KCNH1: variants seen among roughly 807,000 people sequenced by gnomAD.
KCNH1 encodes potassium voltage-gated channel subfamily H member 1.
In KCNH1, 27 loss-of-function variants were observed where a neutral mutation model predicts 69.2. The observed-to-expected ratio is 0.39, with a 90% CI of 0.29 to 0.54. The LOEUF is 0.54. KCNH1 is among the 20% of genes least tolerant of loss of function. The pLI, the probability that KCNH1 is intolerant of heterozygous loss-of-function variation, is 0.68. For missense variants in KCNH1, 798 were observed against 1,261.6 expected (o/e 0.63, Z 5.57); for synonymous variants, 456 against 487.7 (o/e 0.93, Z 0.86).
intron 10 of KCNH1, among the ~76,000 whole-genome samples, chr1:210,766,078 A>T (rs1434831699): frequency 6.6e-6 from 1 of 151,992 alleles, no homozygotes; most frequent in African/African-American, 2.4e-5. Flanking sequence ...AGAAGAAGAA[A>T]AAAAGAATGT....
At chr1:210,867,330 T>TAC (rs57696942) in intron 7 of KCNH1, among the ~76,000 whole-genome samples, 5,088 of 144,126 alleles carry the variant, frequency 0.035, 122 homozygotes, top group African/African-American at 0.075. Flanking sequence ...TGTATATGTT[T>TAC]ACACACACAC....
chr1:211,005,035 T>C (rs964480000), intron 6 of KCNH1, among the ~76,000 whole-genome samples: 5 of 151,850 alleles, frequency 3.3e-5, no homozygotes, highest in Admixed American at 2.0e-4. Context: ...AAAGAGCGAA[T>C]AAGAGAGATA....
Position 210,718,798 on chromosome 1 carries a change from C to T in KCNH1, c.2113-34660G>A, listed in dbSNP as rs1038251830. 3.3e-5 allele frequency among the ~76,000 whole-genome samples: 5 copies of T among 151,390 alleles called. No homozygotes were observed. In the East Asian group the frequency reaches 9.7e-4, roughly 29 times the overall value. ...TCAAGTACTCAGTCGGCACATGTGG[C>T]CAGTGGCTACCACATTAGACAATGT... On this transcript the variant is annotated intron_variant, in intron 10 of 10. Coordinates refer to ENST00000271751, the MANE Select transcript of KCNH1 (RefSeq NM_172362.3).
intron 10 of KCNH1, among the ~76,000 whole-genome samples, chr1:210,685,700 T>TG: frequency 6.9e-6 from 1 of 145,946 alleles, no homozygotes; most frequent in East Asian, 1.9e-4. Flanking sequence ...GCTCCTGTTG[T>TG]CCTTGACCTT....
chr1:210,750,338 C>G (rs143074862), intron 10 of KCNH1, among the ~76,000 whole-genome samples: 47 of 152,286 alleles, frequency 3.1e-4, no homozygotes, highest in African/African-American at 1.1e-3. Flanking sequence ...TGTACACACA[C>G]GAGGACTTGC....
At chr1:210,772,210 C>T (rs1370176581) in intron 10 of KCNH1, among the ~76,000 whole-genome samples, 2 of 152,090 alleles carry the variant, frequency 1.3e-5, no homozygotes, top group African/African-American at 4.8e-5. Context: ...GAACGGTTAC[C>T]AAGTCATCTT....
intron 5 of KCNH1, among the ~76,000 whole-genome samples, chr1:211,021,365 T>C (rs1689584062): frequency 6.6e-6 from 1 of 152,080 alleles, no homozygotes; most frequent in Non-Finnish European, 1.5e-5. Flanking sequence ...GCTCACATCA[T>C]ACTGAATAGG....
At chr1:211,060,657 G>A (rs1013685760) in intron 5 of KCNH1, among the ~76,000 whole-genome samples, 12 of 151,866 alleles carry the variant, frequency 7.9e-5, no homozygotes, top group Admixed American at 5.9e-4. Context: ...GAAATAGAAA[G>A]GATCATTAGA....
chr1:210,834,176 C>T lies in KCNH1; in HGVS notation c.1463-30010G>A, dbSNP rs1203300089. Among the ~76,000 whole-genome samples, 4 of 151,872 alleles carry T rather than the reference C, an allele frequency of 2.6e-5. No homozygotes were observed. In the East Asian group the frequency reaches 7.7e-4, roughly 29 times the overall value. Reference sequence around the variant, plus strand: ...GAAATACCATTTGACCCAGTCATCCCATTACTGGGTATATACCCAAAGGAC... The same window carrying T: ...GAAATACCATTTGACCCAGTCATCCTATTACTGGGTATATACCCAAAGGAC... On this transcript the variant is annotated intron_variant, in intron 7 of 10. Coordinates refer to ENST00000271751, the MANE Select transcript of KCNH1 (RefSeq NM_172362.3).
chr1:211,020,060 T>C (rs1464426573), intron 5 of KCNH1, among the ~76,000 whole-genome samples: 1 of 151,282 alleles, frequency 6.6e-6, no homozygotes, highest in Non-Finnish European at 1.5e-5. Context: ...TAAAAAGATT[T>C]TAAATAAACA....
chr1:211,031,596 C>T lies in KCNH1; in HGVS notation c.559-12340G>A, dbSNP rs574297838. ...TGGGCTTCATCCCTGGAATGCAAGG[C>T]GGGTTCAACATATGCAAATCAATAA... On this transcript the variant is annotated intron_variant, in intron 5 of 10. Coordinates refer to ENST00000271751, the MANE Select transcript of KCNH1 (RefSeq NM_172362.3). Among the ~76,000 whole-genome samples the T allele has an allele frequency of 9.9e-5, 15 of 152,226 alleles. No individual in the cohort carries two copies. The South Asian group carries it at 1.9e-3, about 19-fold the overall frequency.
At chr1:210,706,688 C>T (rs1360539428) in intron 10 of KCNH1, among the ~76,000 whole-genome samples, 1 of 152,238 alleles carries the variant, frequency 6.6e-6, no homozygotes, top group East Asian at 1.9e-4. Context: ...TTCTGAGTCT[C>T]AGACCATGCA....
At chr1:211,109,823 A>T (rs1321128242) in intron 1 of KCNH1, among the ~76,000 whole-genome samples, 1 of 152,138 alleles carries the variant, frequency 6.6e-6, no homozygotes, top group Non-Finnish European at 1.5e-5. Context: ...AACTTTAAAA[A>T]AAAAATCTAA....
chr1:210,984,702 AT>A (rs1688793802), intron 6 of KCNH1, among the ~76,000 whole-genome samples: 1 of 151,878 alleles, frequency 6.6e-6, no homozygotes, highest in Non-Finnish European at 1.5e-5. Context: ...TTTATTGAGG[AT>A]TTTTGCATCA....
At chr1:210,948,728 G>A (rs1338832027) in intron 6 of KCNH1, among the ~76,000 whole-genome samples, 1 of 151,788 alleles carries the variant, frequency 6.6e-6, no homozygotes, top group Admixed American at 6.6e-5. Flanking sequence ...AGCTACTCGG[G>A]AGGCTAAGGC....
chr1:210,835,353 T>C (rs6540626), intron 7 of KCNH1, among the ~76,000 whole-genome samples: 127,663 of 152,196 alleles, frequency 0.84, 53,747 homozygotes, highest in African/African-American at 0.87. Flanking sequence ...TGTGCCAGAA[T>C]TCCATGAGCT....
chr1:211,109,179 A>G (rs1211597768), intron 1 of KCNH1, among the ~76,000 whole-genome samples: 1 of 152,216 alleles, frequency 6.6e-6, no homozygotes, highest in African/African-American at 2.4e-5. Flanking sequence ...TCATGAACTC[A>G]AGAGGGTGTG....
chr1:210,845,237 C>G (rs1416010493), intron 7 of KCNH1, among the ~76,000 whole-genome samples: 1 of 152,198 alleles, frequency 6.6e-6, no homozygotes, highest in African/African-American at 2.4e-5. Flanking sequence ...ATGAGGCCAG[C>G]ATCATCCTGA....
chr1:211,034,248 C>T (rs1325072542), intron 5 of KCNH1, among the ~76,000 whole-genome samples: 1 of 151,890 alleles, frequency 6.6e-6, no homozygotes, highest in African/African-American at 2.4e-5. Flanking sequence ...GAGCTCTACT[C>T]AGCAATAAAA....
Sources: gnomAD v4.1 joint callset for allele counts (sites outside exome capture counted in the v4.1 genomes callset) on GRCh38, gnomAD v4.1.1 for gene constraint, MANE v1.5 for transcripts, NCBI Gene and HGNC (gene_info 2026-07-23, HGNC 2026-07-21) for gene names.